The following RGS9 variants were observed in gnomAD, a reference collection of about 807,000 sequenced individuals.
RGS9 encodes regulator of G-protein signalling 9.
A neutral mutation model predicts 102.0 loss-of-function variants in RGS9; 78 were observed. The ratio of observed to expected loss-of-function variants is 0.76; its 90% CI spans 0.64 to 0.92. RGS9 has a LOEUF of 0.92. Ranked by LOEUF, RGS9 falls within the 40% of genes least tolerant of loss-of-function variation. The probability of loss-of-function intolerance (pLI) is 0.00; values close to 1 mark genes in which losing one functional copy is unlikely to be tolerated. For synonymous variants in RGS9, 353 were observed against 318.6 expected (o/e 1.11, Z -1.15); for missense variants, 833 against 866.1 (o/e 0.96, Z 0.48).
chr17:65,174,527 G>A (rs1252059412), intron 8 of RGS9, among the ~76,000 whole-genome samples: 1 of 150,766 alleles, frequency 6.6e-6, no homozygotes, highest in African/African-American at 2.5e-5. Flanking sequence ...ATGTATGTGT[G>A]AGAGTGTGTA....
At chr17:65,144,100 G>A (rs1910263312) in intron 1 of RGS9, among the ~76,000 whole-genome samples, 1 of 152,202 alleles carries the variant, frequency 6.6e-6, no homozygotes, top group East Asian at 1.9e-4. Context: ...GAGTGTCTGA[G>A]CGTCTGCGAG....
At chr17:65,145,553 T>TTG (rs1910322981) in intron 1 of RGS9, among the ~76,000 whole-genome samples, 1 of 123,606 alleles carries the variant, frequency 8.1e-6, no homozygotes, top group Non-Finnish European at 1.6e-5. Context: ...CCTGGCTATT[T>TTG]TTTTTTTTTT....
At position 65,220,614 on chromosome 17, in the gene RGS9, G is replaced by A. The variant is rs184118397; in HGVS notation, c.1408-4388G>A. On this transcript the variant is annotated intron_variant, in intron 17 of 18. Transcript: ENST00000262406. ...AGAGTGGGAAGGCACTGGAAGAGGG[G>A]ACTTTGCACACTGCATGCTGCACCT... Among the ~76,000 whole-genome samples the A allele has an allele frequency of 1.3e-3, 205 of 152,284 alleles. 1 individual carries two copies. Among genetic ancestry groups the A allele is most frequent in the African/African-American group, 4.4e-3 (183 of 41,548 alleles).
intron 1 of RGS9, among the ~76,000 whole-genome samples, chr17:65,148,796 C>CCTCA (rs2143964437): frequency 6.6e-6 from 1 of 152,318 alleles, no homozygotes; most frequent in Non-Finnish European, 1.5e-5. Flanking sequence ...GATCTTCCTG[C>CCTCA]CTCAGCCTTC....
At chr17:65,201,787 G>A (rs985819685) in intron 13 of RGS9, among the ~76,000 whole-genome samples, 3 of 152,194 alleles carry the variant, frequency 2.0e-5, no homozygotes, top group African/African-American at 7.2e-5. Flanking sequence ...CTTCCAGGCC[G>A]TAGAAGTGAA....
intron 9 of RGS9, 102 bp from the exon 10 acceptor site, chr17:65,189,184 G>C (rs936194576): frequency 1.2e-5 from 11 of 923,832 alleles, no homozygotes; most frequent in Non-Finnish European, 1.8e-5. Context: ...GAAAAAAATG[G>C]GCATTTTTCT....
chr17:65,159,907 T>TA (rs1217434099), intron 3 of RGS9, among the ~76,000 whole-genome samples: 1 of 152,214 alleles, frequency 6.6e-6, no homozygotes, highest in Non-Finnish European at 1.5e-5. Context: ...AAAGGGCCTA[T>TA]AGAGGCTTCT....
intron 12 of RGS9, among the ~76,000 whole-genome samples, chr17:65,195,610 T>C (rs1045138196): frequency 6.6e-6 from 1 of 152,172 alleles, no homozygotes; most frequent in Non-Finnish European, 1.5e-5. Context: ...CATCGTGTCA[T>C]TCATAAGCCT....
chr17:65,172,453 A>G (rs1452181300), intron 8 of RGS9, among the ~76,000 whole-genome samples: 1 of 152,076 alleles, frequency 6.6e-6, no homozygotes, highest in East Asian at 1.9e-4. Context: ...TGGCCTCCCA[A>G]AGTGCTAGGA....
chr17:65,161,420 T>G (rs1270667371), intron 6 of RGS9, among the ~76,000 whole-genome samples: 1 of 152,002 alleles, frequency 6.6e-6, no homozygotes, highest in African/African-American at 2.4e-5. Flanking sequence ...CCTGGCTAAT[T>G]TTTGTATTTT....
At chr17:65,167,263 G>A (rs1455035464) in intron 7 of RGS9, among the ~76,000 whole-genome samples, 5 of 151,962 alleles carry the variant, frequency 3.3e-5, no homozygotes, top group Non-Finnish European at 4.4e-5. Context: ...GTGCAGTGGC[G>A]CGATCTCGGC....
intron 1 of RGS9, among the ~76,000 whole-genome samples, chr17:65,149,062 A>G (rs887539227): frequency 1.8e-4 from 28 of 151,880 alleles, no homozygotes; most frequent in Admixed American, 1.0e-3. Context: ...CCCAGGTTCA[A>G]GCGATTTTCC....
chr17:65,190,216 GT>G lies in RGS9; in HGVS notation c.727del (p.Ser243LeufsTer9), dbSNP rs1912315295. On this transcript the variant is annotated frameshift_variant, in exon 11 of 19. Transcript: ENST00000262406. LOFTEE classifies it high-confidence loss of function. ...AGGCCTTGATGAGGTCCACAGTGAA[GT>G]CTTCTGTGTCCCTGGGAGGGTATGT... ...QQALMRSTVKSSVSLGGIVKY... is the reference protein window; with the variant it reads ...QQALMRSTVKXSVSLGGIVKY... The G allele has an allele frequency of 6.2e-7, 1 of 1,613,676 alleles. No homozygotes were observed.
intron 1 of RGS9, among the ~76,000 whole-genome samples, chr17:65,148,782 G>A (rs9916136): frequency 0.061 from 9,216 of 152,060 alleles, 892 homozygotes; most frequent in African/African-American, 0.2. Flanking sequence ...TCCTGGGCTC[G>A]AGTGATCTTC....
At chr17:65,179,297 T>G (rs1003381387) in intron 9 of RGS9, among the ~76,000 whole-genome samples, 8 of 152,156 alleles carry the variant, frequency 5.3e-5, no homozygotes, top group Non-Finnish European at 7.3e-5. Context: ...TTAGGTCTCT[T>G]GTCCACAAGC....
Position 65,212,133 on chromosome 17 carries a change from T to G in RGS9, c.1407+1528T>G, listed in dbSNP as rs181067295. 1.5e-3 allele frequency among the ~76,000 whole-genome samples: 230 copies of G among 152,344 alleles called. 3 individuals carry two copies. Among genetic ancestry groups the G allele is most frequent in the Admixed American group, 7.5e-3 (114 of 15,302 alleles). ...AAGTAGAAACACACAAGGCTTCACA[T>G]AGTCTCTTCTACTTTATTTTATTGG... On this transcript the variant is annotated intron_variant, in intron 17 of 18. Coordinates refer to ENST00000262406, the MANE Select transcript of RGS9 (RefSeq NM_003835.4).
At chr17:65,222,136 G>A (rs1913723899) in intron 17 of RGS9, among the ~76,000 whole-genome samples, 1 of 152,204 alleles carries the variant, frequency 6.6e-6, no homozygotes, top group African/African-American at 2.4e-5. Context: ...CTGTCTTCTT[G>A]CTGGCCATCA....
At chr17:65,170,990 C>T (rs1260407549) in intron 8 of RGS9, among the ~76,000 whole-genome samples, 1 of 152,182 alleles carries the variant, frequency 6.6e-6, no homozygotes, top group Non-Finnish European at 1.5e-5. Flanking sequence ...CCCCGGAGCT[C>T]ACAGGCTGCC....
intron 8 of RGS9, among the ~76,000 whole-genome samples, chr17:65,176,710 ACCATCCATCCATCCATCCAT>A (rs3034105): frequency 6.8e-6 from 1 of 147,254 alleles, no homozygotes; most frequent in East Asian, 2.1e-4. Context: ...TACTCACTCA[ACCATCCATCCATCCATCCAT>A]CCATCCATCC....
Sources: allele counts gnomAD v4.1 joint callset (sites outside exome capture counted in the v4.1 genomes callset), GRCh38; gene constraint gnomAD v4.1.1; transcripts MANE v1.5; gene names NCBI Gene and HGNC (gene_info 2026-07-23, HGNC 2026-07-21).